Variants in MEST observed in about 807,000 individuals in gnomAD.
MEST encodes mesoderm-specific transcript homolog protein.
A neutral mutation model predicts 50.9 loss-of-function variants in MEST; 18 were observed. That is an observed-to-expected ratio of 0.35 (90% confidence interval 0.24 to 0.52). MEST has a LOEUF of 0.52. Ranked by LOEUF, MEST falls within the 20% of genes least tolerant of loss-of-function variation. The pLI, the probability that MEST is intolerant of heterozygous loss-of-function variation, is 0.94. For missense variants in MEST, 282 were observed against 425.3 expected, an observed-to-expected ratio of 0.66 and a Z score of 2.96; for synonymous variants, 130 against 154.1, an observed-to-expected ratio of 0.84 and a Z score of 1.16.
At chr7:130,504,719 G>C (rs79303529) in intron 11 of MEST, among the ~76,000 whole-genome samples, 6,910 of 152,244 alleles carry the variant, frequency 0.045, 279 homozygotes, top group African/African-American at 0.1. Context: ...TTTTCAAGTT[G>C]TTGTTTGTTG....
At chr7:130,503,406 TAGG>T (rs555116974) in intron 10 of MEST, among the ~76,000 whole-genome samples, 117 of 152,310 alleles carry the variant, frequency 7.7e-4, no homozygotes, top group South Asian at 5.8e-3. Context: ...TGGTTGTCTG[TAGG>T]AGGAGATGTG....
At position 130,495,033 on chromosome 7, in the gene MEST, T is replaced by C. The variant is rs187861986; in HGVS notation, c.27-335T>C. On this transcript the variant is annotated intron_variant, in intron 1 of 11. Transcript: ENST00000223215. ...GAAAGAGTGTCCAGCATTTAAGTCA[T>C]GTCCCTTTTATTTATATAAAGTCCT... Among the ~76,000 whole-genome samples the C allele has an allele frequency of 1.6e-3, 249 of 152,294 alleles. 7 individuals are homozygous for C. Among genetic ancestry groups the C allele is most frequent in the Admixed American group, 0.013 (197 of 15,306 alleles).
chr7:130,489,398 T>C (rs1798718824), upstream of MEST: 1 of 152,300 alleles, frequency 6.6e-6, no homozygotes, highest in Non-Finnish European at 1.5e-5. Context: ...TGAATTTATG[T>C]GTGGCTGTGT....
At chr7:130,494,733 C>A in intron 1 of MEST, 1 of 493,804 alleles carries the variant, frequency 2.0e-6, no homozygotes, top group Non-Finnish European at 2.6e-6. Context: ...CTTACTTTCA[C>A]AGACTGTTTA....
At position 130,494,756 on chromosome 7, in the gene MEST, T is replaced by C. The variant is rs1445536886; in HGVS notation, c.27-612T>C. On this transcript the variant is annotated intron_variant, in intron 1 of 11. Transcript: ENST00000223215. ...CACAGACTGTTTACCCTGAGCAGTT[T>C]CTCAGCCCAAATCCAGAAAGGAGTA... 2.0e-5 allele frequency: 16 copies of C among 814,244 alleles called. No homozygotes were observed. The East Asian group carries it at 1.9e-3, about 95-fold the overall frequency. 50.4% of individuals were successfully genotyped at this position (814,244 alleles called of 1,614,324 possible).
chr7:130,502,593 G>A (rs782082317), intron 9 of MEST, 51 bp from the exon 10 acceptor site: 4 of 1,402,584 alleles, frequency 2.9e-6, no homozygotes, highest in Non-Finnish European at 4.0e-6. Context: ...TTGAATCCCT[G>A]TAACAGTAAA....
chr7:130,498,405 C>T lies in MEST; in HGVS notation c.477-14C>T, dbSNP rs781801339. The stretch of plus-strand genomic sequence containing the variant: ...TTGCTCAGCTACATGTGTGTTTCCT[C>T]GTCTCCCTTCTAGGTACAAGCAGAA... On this transcript the variant is annotated splice_polypyrimidine_tract_variant and intron_variant, in intron 5 of 11. Transcript: ENST00000223215. 3 of 1,614,002 alleles carry T rather than the reference C, an allele frequency of 1.9e-6. No homozygotes were observed. Among genetic ancestry groups the T allele is most frequent in the South Asian group, 1.1e-5 (1 of 91,062 alleles).
rs1799109313 is a variant in MEST, at chr7:130,497,526, C to G, written c.261+291C>G. 1 of 268,420 alleles carries G rather than the reference C, an allele frequency of 3.7e-6. No individual in the cohort carries two copies. The highest frequency in any genetic ancestry group is 5.0e-5 in the Admixed American group (1 of 20,168). 16.6% of individuals were successfully genotyped at this position (268,420 alleles called of 1,614,324 possible). On this transcript the variant is annotated intron_variant, in intron 3 of 11. Transcript: ENST00000223215. The surrounding 1 kb of genome is among the most constrained non-coding windows in gnomAD (Gnocchi z 4.0). ...GAGCTGAGATTGCACCACTGCACTT[C>G]AGCCTAGGTGACAGAGCGAGAGTCT...
At chr7:130,492,005 G>T (rs1162164209), upstream of MEST, 3 of 186,282 alleles carry the variant, frequency 1.6e-5, no homozygotes, top group African/African-American at 7.1e-5. This position sits in a 1 kb window ranked among gnomAD's most constrained non-coding sequence, Gnocchi z 7.6. Flanking sequence ...GGGAGCAGGC[G>T]GTAGGGGTTC....
At chr7:130,501,082 T>C (rs1799260834) in intron 9 of MEST, 192 bp downstream of exon 9, 1 of 501,300 alleles carries the variant, frequency 2.0e-6, no homozygotes, top group African/African-American at 2.0e-5. Flanking sequence ...TCTTTGTTAG[T>C]ATTAAATGCT....
rs1389936091 is a variant in MEST, at chr7:130,492,303, A to T, written c.-11A>T. On this transcript the variant is annotated 5_prime_UTR_variant, in exon 1 of 12. Coordinates refer to ENST00000223215, the MANE Select transcript of MEST (RefSeq NM_002402.4). The surrounding 1 kb of genome is among the most constrained non-coding windows in gnomAD (Gnocchi z 7.6). The stretch of plus-strand genomic sequence containing the variant: ...GCAACGCTGCGGCGGGCGGCATGGG[A>T]TAACGCGGCCATGGTGCGCCGAGAT... 7.4e-7 allele frequency: 1 copy of T among 1,344,216 alleles called. No individual in the cohort carries two copies. The allele number at this position is 1,344,216 out of a possible 1,614,324, so 83.3% of individuals were successfully genotyped here. A position where few individuals can be genotyped will look rare whatever the true frequency, so the allele number is the denominator to read the frequency against.
In MEST at chr7:130,492,279, C is replaced by CA; in HGVS notation, c.-33dup. 1 of 1,348,184 alleles carries CA rather than the reference C, an allele frequency of 7.4e-7. No individual in the cohort carries two copies. Among genetic ancestry groups the CA allele is most frequent in the Non-Finnish European group, 9.5e-7 (1 of 1,051,378 alleles). The allele number at this position is 1,348,184 out of a possible 1,614,324, so 83.5% of individuals were successfully genotyped here. ...GGGCTCTGCGGCGCCCGGTGCTCTG[C>CA]AACGCTGCGGCGGGCGGCATGGGAT... On this transcript the variant is annotated 5_prime_UTR_variant, in exon 1 of 12. Transcript: ENST00000223215. This position sits in a 1 kb window ranked among gnomAD's most constrained non-coding sequence, Gnocchi z 7.6.
In MEST at chr7:130,497,317, G is replaced by T. The variant is rs781857143; in HGVS notation, c.261+82G>T. 6.5e-5 allele frequency: 76 copies of T among 1,166,498 alleles called. No homozygotes were observed. The highest frequency in any genetic ancestry group is 9.1e-5 in the Non-Finnish European group (74 of 809,860). 72.3% of individuals were successfully genotyped at this position (1,166,498 alleles called of 1,614,324 possible). A position where few individuals can be genotyped will look rare whatever the true frequency, so the allele number is the denominator to read the frequency against. ...GGGGGCTCAAATCCTAGCACTTTGG[G>T]AGGCTGAGGTGGGAGGATGACCTGA... On this transcript the variant is annotated intron_variant, in intron 3 of 11. Coordinates refer to ENST00000223215, the MANE Select transcript of MEST (RefSeq NM_002402.4). The surrounding 1 kb of genome is among the most constrained non-coding windows in gnomAD (Gnocchi z 4.0).
chr7:130,499,830 AAAT>A, intron 6 of MEST, 42 bp from the exon 7 acceptor site: 1 of 1,555,962 alleles, frequency 6.4e-7, no homozygotes, highest in Non-Finnish European at 8.7e-7. Flanking sequence ...AAAAAAAAAA[AAAT>A]TAAAGCTGTA....
Position 130,506,455 on chromosome 7 carries a change from C to T in MEST, c.*1399C>T, listed in dbSNP as rs575309397. On this transcript the variant is annotated 3_prime_UTR_variant, in exon 12 of 12. Coordinates refer to ENST00000223215, the MANE Select transcript of MEST (RefSeq NM_002402.4). ...TCAAGATCACCCAAAGCTGCACTAT[C>T]GTCCCAAAGCTGACCAAGTAGAATA... 58 of 301,860 alleles carry T rather than the reference C, an allele frequency of 1.9e-4. No individual in the cohort carries two copies. The South Asian group carries it at 2.7e-3, about 14-fold the overall frequency. 18.7% of individuals were successfully genotyped at this position (301,860 alleles called of 1,614,324 possible).
Position 130,505,840 on chromosome 7 carries a change from G to C in MEST, c.*784G>C, listed in dbSNP as rs1799457145. On this transcript the variant is annotated 3_prime_UTR_variant, in exon 12 of 12. Transcript: ENST00000223215. ...ATAGCATCTGTGCCAGAGATGTACTGTTATTAGCTGGGAAGACCAATTCTA... is the reference window on the plus strand; with the variant it reads ...ATAGCATCTGTGCCAGAGATGTACTCTTATTAGCTGGGAAGACCAATTCTA... The C allele has an allele frequency of 6.6e-6, 1 of 152,186 alleles. No homozygotes were observed. Among genetic ancestry groups the C allele is most frequent in the African/African-American group, 2.4e-5 (1 of 41,444 alleles). 9.4% of individuals were successfully genotyped at this position (152,186 alleles called of 1,614,324 possible).
rs781811247 is a variant in MEST, at chr7:130,505,105, T to C, written c.*49T>C. 5.3e-6 allele frequency: 7 copies of C among 1,310,966 alleles called. No individual in the cohort carries two copies. The Admixed American group carries it at 1.2e-4, about 22-fold the overall frequency. The allele number at this position is 1,310,966 out of a possible 1,614,324, so 81.2% of individuals were successfully genotyped here. ...ATTACCTCCCCTACTCCCTTATGTG[T>C]TGTGTATTCCACTTAGGAAGAAATG... On this transcript the variant is annotated 3_prime_UTR_variant, in exon 12 of 12. Coordinates refer to ENST00000223215, the MANE Select transcript of MEST (RefSeq NM_002402.4).
chr7:130,503,327 T>TA (rs1399065488), intron 10 of MEST, among the ~76,000 whole-genome samples: 2 of 152,286 alleles, frequency 1.3e-5, no homozygotes, highest in African/African-American at 2.4e-5. Context: ...ATCCTGGACT[T>TA]AGAGGATGTT....
Position 130,492,134 on chromosome 7 carries a change from TC to T in MEST, c.-179del. 3.1e-6 allele frequency: 1 copy of T among 327,670 alleles called. No homozygotes were observed. The highest frequency in any genetic ancestry group is 5.2e-6 in the Non-Finnish European group (1 of 191,906). 20.3% of individuals were successfully genotyped at this position (327,670 alleles called of 1,614,324 possible). The stretch of plus-strand genomic sequence containing the variant: ...GCACCTCCTCTGCGGCAGCTGCGCC[TC>T]GCAAGCGCAGTGCCGCAGCGCACGC... On this transcript the variant is annotated 5_prime_UTR_variant, in exon 1 of 12. Transcript: ENST00000223215. The surrounding 1 kb of genome is among the most constrained non-coding windows in gnomAD (Gnocchi z 7.6).
Sources: gnomAD v4.1 joint callset for allele counts (sites outside exome capture counted in the v4.1 genomes callset) on GRCh38, gnomAD v4.1.1 for gene constraint, Gnocchi (gnomAD v3.1) non-coding constraint, MANE v1.5 for transcripts, NCBI Gene and HGNC (gene_info 2026-07-23, HGNC 2026-07-21) for gene names.